The following AMZ1 variants were observed in gnomAD, a reference collection of about 807,000 sequenced individuals.
AMZ1 encodes the protein archaelysin family metallopeptidase 1, also known as archaemetzincin-1.
AMZ1 carries 39 observed loss-of-function variants against 29.9 expected under a neutral mutation model. The ratio of observed to expected loss-of-function variants is 1.30; its 90% CI spans 1.01 to 1.70. The LOEUF (loss-of-function observed/expected upper bound fraction) is 1.70. Among genes scored for constraint, AMZ1 ranks in the 40% most tolerant of loss-of-function variants. The probability of loss-of-function intolerance (pLI) is 0.00; values close to 1 mark genes in which losing one functional copy is unlikely to be tolerated. For synonymous variants in AMZ1, 458 were observed against 304.0 expected (o/e 1.51, Z -5.27); for missense variants, 1,041 against 680.6 (o/e 1.53, Z -5.89).
Position 2,712,989 on chromosome 7 carries a change from T to TG in AMZ1, c.*113dup. ...GATAAAGAGGAAGGGTCTGCCTGGG[T>TG]GGTGGCTCAGGCCTGTCATCCCATC... is the stretch of plus-strand genomic sequence containing the variant. On this transcript the variant is annotated 3_prime_UTR_variant, in exon 7 of 7. Transcript: ENST00000683327. The TG allele has an allele frequency of 8.1e-7, 1 of 1,237,014 alleles. No individual in the cohort carries two copies. Among genetic ancestry groups the TG allele is most frequent in the Non-Finnish European group, 1.1e-6 (1 of 945,210 alleles). 76.6% of individuals were successfully genotyped at this position (1,237,014 alleles called of 1,614,324 possible). A position where few individuals can be genotyped will look rare whatever the true frequency, so the allele number is the denominator to read the frequency against.
intron 1 of AMZ1, among the ~76,000 whole-genome samples, chr7:2,690,671 G>C (rs1787334910): frequency 6.6e-6 from 1 of 152,092 alleles, no homozygotes; most frequent in African/African-American, 2.4e-5. Flanking sequence ...CGGCCTCTGT[G>C]GTCGTGGCTC....
intron 4 of AMZ1, among the ~76,000 whole-genome samples, chr7:2,749,397 A>C (rs1390711883): frequency 1.3e-5 from 2 of 152,114 alleles, no homozygotes; most frequent in African/African-American, 2.4e-5. Flanking sequence ...CATTGTCAGC[A>C]AACTATTGCA....
chr7:2,733,640 G>T, intron 4 of AMZ1: 1 of 664,086 alleles, frequency 1.5e-6, no homozygotes, highest in Non-Finnish European at 2.7e-6. Flanking sequence ...GGCAGAGAGT[G>T]TCCGTGTGTT....
In AMZ1 at chr7:2,731,164, C is replaced by T. The variant is rs376042551; in HGVS notation, n.550+21348C>T. On this transcript the variant is annotated intron_variant and non_coding_transcript_variant, in intron 4 of 4. Coordinates refer to the AMZ1 transcript ENST00000489665. The surrounding 1 kb of genome is among the most constrained non-coding windows in gnomAD (Gnocchi z 6.0). ...GTGGGGGCTGCTCAACGACGACAAA[C>T]CCCGGGGCTTCCTCGCTCACTGCAG... The T allele has an allele frequency of 1.1e-5, 17 of 1,578,052 alleles. No individual in the cohort carries two copies. The African/African-American group carries it at 1.3e-4, about 12-fold the overall frequency.
intron 4 of AMZ1, among the ~76,000 whole-genome samples, chr7:2,743,340 A>G (rs1790602806): frequency 6.6e-6 from 1 of 152,242 alleles, no homozygotes; most frequent in African/African-American, 2.4e-5. Flanking sequence ...TAAGTCTTAA[A>G]ACGACATCCA....
At chr7:2,723,920 T>G (rs927193300), downstream of AMZ1, among the ~76,000 whole-genome samples, 2 of 152,324 alleles carry the variant, frequency 1.3e-5, no homozygotes, top group South Asian at 2.1e-4. Context: ...TGGCCAGATT[T>G]TTTTTTGAGA....
rs573516734 is a variant in AMZ1, at chr7:2,739,847, T to G, written n.551-24865T>G. On this transcript the variant is annotated intron_variant and non_coding_transcript_variant, in intron 4 of 4. Transcript: ENST00000489665. ...CCACCAAACCTGGCTAATTTTTGTA[T>G]TTTTAGTAGAGACGGGGGTTTCACC... 9.2e-5 allele frequency among the ~76,000 whole-genome samples: 14 copies of G among 152,274 alleles called. No individual in the cohort carries two copies. In the East Asian group the frequency reaches 2.7e-3, roughly 29 times the overall value.
At chr7:2,708,548 G>C (rs373784936) in intron 3 of AMZ1, 40 bp from the exon 4 acceptor site, 6 of 1,608,132 alleles carry the variant, frequency 3.7e-6, no homozygotes, top group Non-Finnish European at 5.1e-6. Context: ...GGGGGTCCCC[G>C]GCTGCCTCCT....
At chr7:2,741,364 A>C (rs188295856) in intron 4 of AMZ1, among the ~76,000 whole-genome samples, 79 of 152,160 alleles carry the variant, frequency 5.2e-4, no homozygotes, top group East Asian at 1.7e-3. Context: ...CTTAAAAAAA[A>C]CCCAAAAACC....
intron 1 of AMZ1, among the ~76,000 whole-genome samples, chr7:2,690,047 T>C (rs1013301579): frequency 2.0e-5 from 3 of 152,150 alleles, no homozygotes; most frequent in African/African-American, 7.2e-5. Flanking sequence ...ACAAGGCTTC[T>C]TGAGAGGAAA....
At chr7:2,761,266 C>T (rs147944968), upstream of AMZ1, among the ~76,000 whole-genome samples, 152 of 152,292 alleles carry the variant, frequency 1.0e-3, no homozygotes, top group Non-Finnish European at 1.8e-3. Flanking sequence ...CCCTCTGGGT[C>T]TCAGTTTCCT....
In AMZ1 at chr7:2,712,392, G is replaced by T; in HGVS notation, c.1011G>T (p.Pro337=). 1 of 1,610,246 alleles carries T rather than the reference G, an allele frequency of 6.2e-7. No homozygotes were observed. Among genetic ancestry groups the T allele is most frequent in the South Asian group, 1.1e-5 (1 of 90,732 alleles). The change falls in exon 7 of 7, where the codon CCG becomes CCT. Residue 337 remains proline, a synonymous_variant. Coordinates refer to ENST00000683327, the MANE Select transcript of AMZ1 (RefSeq NM_001384743.1). ...GTWPSQEAGE[P]SVWEDTPPAS... The stretch of plus-strand genomic sequence containing the variant: ...GGCCCAGCCAGGAGGCGGGGGAGCC[G>T]TCAGTGTGGGAGGACACCCCGCCTG...
chr7:2,712,466 C>G lies in AMZ1; in HGVS notation c.1085C>G (p.Thr362Ser). The change falls in exon 7 of 7, where the codon ACC (threonine) becomes AGC (serine). Residue 362 changes from threonine (T) to serine (S), a missense_variant. By Grantham distance (58) the Thr-to-Ser change is moderately conservative. Transcript: ENST00000683327. ...MCCESDSEPG[T>S]SVSEPLTPDA... ...TGTGAGAGTGACTCGGAGCCCGGCACCAGTGTGTCGGAGCCCCTCACCCCT... is the reference window on the plus strand; with the variant it reads ...TGTGAGAGTGACTCGGAGCCCGGCAGCAGTGTGTCGGAGCCCCTCACCCCT... The G allele has an allele frequency of 6.2e-7, 1 of 1,611,146 alleles. No individual in the cohort carries two copies. Among genetic ancestry groups the G allele is most frequent in the African/African-American group, 1.3e-5 (1 of 75,056 alleles).
At chr7:2,723,780 G>A (rs1395669204), downstream of AMZ1, among the ~76,000 whole-genome samples, 1 of 152,216 alleles carries the variant, frequency 6.6e-6, no homozygotes, top group Non-Finnish European at 1.5e-5. Flanking sequence ...CTCCCTCTGC[G>A]CCTGGAGCTA....
At chr7:2,684,865 A>G (rs55786306), upstream of AMZ1, among the ~76,000 whole-genome samples, 40,292 of 149,056 alleles carry the variant, frequency 0.27, 5,583 homozygotes, top group Middle Eastern at 0.34. Context: ...GGCTTGACAC[A>G]TAATTGCTTT....
In AMZ1 at chr7:2,718,484, T is replaced by C. The variant is rs909658920; in HGVS notation, c.*5606T>C. ...TGACCAGCGGGAATGAATGGGGACGTGTTTTGTTCAGCCCTGACTCTTGGA... is the reference window on the plus strand; with the variant it reads ...TGACCAGCGGGAATGAATGGGGACGCGTTTTGTTCAGCCCTGACTCTTGGA... On this transcript the variant is annotated 3_prime_UTR_variant, in exon 7 of 7. Coordinates refer to ENST00000683327, the MANE Select transcript of AMZ1 (RefSeq NM_001384743.1). 6.6e-6 allele frequency among the ~76,000 whole-genome samples: 1 copy of C among 152,202 alleles called. No individual in the cohort carries two copies. Among genetic ancestry groups the C allele is most frequent in the Non-Finnish European group, 1.5e-5 (1 of 68,048 alleles).
At chr7:2,728,035 T>C (rs1023880932) in intron 4 of AMZ1, 2 of 149,440 alleles carry the variant, frequency 1.3e-5, no homozygotes, top group Admixed American at 6.7e-5. Flanking sequence ...AAAATTAGGA[T>C]GAGAGTGATC....
chr7:2,695,114 C>T (rs1274764531), intron 1 of AMZ1, among the ~76,000 whole-genome samples: 1 of 152,242 alleles, frequency 6.6e-6, no homozygotes, highest in Non-Finnish European at 1.5e-5. Context: ...CTCCTCCTTG[C>T]TCAGCCTCTG....
chr7:2,740,826 C>T (rs1266371525), intron 4 of AMZ1, among the ~76,000 whole-genome samples: 1 of 152,154 alleles, frequency 6.6e-6, no homozygotes, highest in South Asian at 2.1e-4. Flanking sequence ...GGACGGATCA[C>T]GAGGTCGAGA....
Sources: allele counts gnomAD v4.1 joint callset (sites outside exome capture counted in the v4.1 genomes callset), GRCh38; gene constraint gnomAD v4.1.1; non-coding constraint Gnocchi (gnomAD v3.1); transcripts MANE v1.5; gene names NCBI Gene and HGNC (gene_info 2026-07-23, HGNC 2026-07-21).